Variants in SLC44A5 observed in about 807,000 individuals in gnomAD.
The protein encoded by SLC44A5 is solute carrier family 44 member 5, also known as choline transporter-like protein 5.
SLC44A5 carries 57 observed loss-of-function variants against 101.8 expected under a neutral mutation model. That is an observed-to-expected ratio of 0.56 (90% CI 0.45 to 0.70). The LOEUF is 0.70. SLC44A5 is among the 30% of genes least tolerant of loss of function. The pLI, the probability that SLC44A5 is intolerant of heterozygous loss-of-function variation, is 0.00. For missense variants in SLC44A5, 737 were observed against 853.1 expected (o/e 0.86, Z 1.70); for synonymous variants, 281 against 290.9 (o/e 0.97, Z 0.35).
At position 75,500,014 on chromosome 1, in the gene SLC44A5, G is replaced by A. The variant is rs539914100; in HGVS notation, c.13+41421C>T. Among the ~76,000 whole-genome samples, 5 of 152,268 alleles carry A rather than the reference G, an allele frequency of 3.3e-5. No homozygotes were observed. The East Asian group carries it at 9.6e-4, about 29-fold the overall frequency. On this transcript the variant is annotated intron_variant, in intron 2 of 23. Coordinates refer to ENST00000370859, the MANE Select transcript of SLC44A5 (RefSeq NM_001130058.2). The stretch of plus-strand genomic sequence containing the variant: ...ATCTGGCTGTCAATGCCCACGTGAT[G>A]TTGAAAGCCACCTGCTAAAGATGGC...
At chr1:75,549,393 T>C (rs1180545801) in intron 1 of SLC44A5, among the ~76,000 whole-genome samples, 1 of 152,118 alleles carries the variant, frequency 6.6e-6, no homozygotes, top group Non-Finnish European at 1.5e-5. Context: ...CATCTTCAAA[T>C]ATTCATGAAA....
At chr1:75,430,258 C>A (rs1000045904) in intron 2 of SLC44A5, among the ~76,000 whole-genome samples, 1 of 152,140 alleles carries the variant, frequency 6.6e-6, no homozygotes, top group African/African-American at 2.4e-5. Flanking sequence ...GAGGACACAG[C>A]ATTCCTCCCC....
At chr1:75,387,320 G>A (rs1393325863) in intron 3 of SLC44A5, among the ~76,000 whole-genome samples, 2 of 146,712 alleles carry the variant, frequency 1.4e-5, no homozygotes, top group Admixed American at 1.4e-4. Flanking sequence ...ATCTGACAAA[G>A]GGCTAATATC....
At chr1:75,394,083 C>G (rs1570123730) in intron 3 of SLC44A5, among the ~76,000 whole-genome samples, 1 of 152,108 alleles carries the variant, frequency 6.6e-6, no homozygotes, top group Non-Finnish European at 1.5e-5. Context: ...CCTGGGGGCT[C>G]TCCAACACCC....
chr1:75,644,058 C>G, the SLC44A5 span, among the ~76,000 whole-genome samples: 2 of 152,158 alleles, frequency 1.3e-5, no homozygotes, highest in Non-Finnish European at 1.5e-5. Context: ...TGTGCCCATT[C>G]ACTAGTTAGT....
At chr1:75,674,037 C>A in the SLC44A5 span, among the ~76,000 whole-genome samples, 1 of 152,014 alleles carries the variant, frequency 6.6e-6, no homozygotes, top group Non-Finnish European at 1.5e-5. Flanking sequence ...TCAAGACCAG[C>A]AAAACATGAC....
the SLC44A5 span, among the ~76,000 whole-genome samples, chr1:75,675,023 T>C: frequency 3.3e-5 from 5 of 152,218 alleles, no homozygotes; most frequent in African/African-American, 1.2e-4. Context: ...AGCCTTGTGG[T>C]AGTTTGAAGT....
chr1:75,616,013 C>A, upstream of SLC44A5: 1 of 469,270 alleles, frequency 2.1e-6, no homozygotes. Context: ...CATCTGCGAG[C>A]AGCAGCGGCG....
At chr1:75,373,058 C>G (rs1660334255) in intron 3 of SLC44A5, among the ~76,000 whole-genome samples, 1 of 152,062 alleles carries the variant, frequency 6.6e-6, no homozygotes, top group Non-Finnish European at 1.5e-5. Context: ...TATTTAGAAG[C>G]AGAGTCAAAA....
chr1:75,665,181 G>T, the SLC44A5 span, among the ~76,000 whole-genome samples: 1 of 151,960 alleles, frequency 6.6e-6, no homozygotes, highest in African/African-American at 2.4e-5. Flanking sequence ...AAAGAACAAA[G>T]TCAGAAGCAC....
the SLC44A5 span, chr1:75,677,694 A>T: frequency 2.4e-6 from 1 of 423,280 alleles, no homozygotes; most frequent in Admixed American, 2.9e-5. Context: ...AACTAAATGC[A>T]TAAAAAAAAC....
intron 2 of SLC44A5, among the ~76,000 whole-genome samples, chr1:75,412,788 T>C (rs1663365570): frequency 1.3e-5 from 2 of 152,154 alleles, no homozygotes; most frequent in East Asian, 1.9e-4. Flanking sequence ...AGAAGGTGAA[T>C]CATCCCTTTG....
chr1:75,643,724 C>T, the SLC44A5 span, among the ~76,000 whole-genome samples: 4 of 152,352 alleles, frequency 2.6e-5, no homozygotes, highest in South Asian at 2.1e-4. Context: ...CCCTGGCCTG[C>T]GGCCAAGTAA....
chr1:75,388,652 G>A (rs1007551025), intron 3 of SLC44A5, among the ~76,000 whole-genome samples: 13 of 152,052 alleles, frequency 8.5e-5, no homozygotes, highest in South Asian at 2.1e-4. Context: ...GGTGGCGGGC[G>A]CCTGTGGTCC....
chr1:75,372,777 T>C (rs1368498037), intron 3 of SLC44A5, among the ~76,000 whole-genome samples: 1 of 152,204 alleles, frequency 6.6e-6, no homozygotes, highest in Non-Finnish European at 1.5e-5. Context: ...TGGAAAATTG[T>C]ATTAGGGAGA....
intron 1 of SLC44A5, among the ~76,000 whole-genome samples, chr1:75,555,019 G>A (rs1197830779): frequency 6.6e-6 from 1 of 151,904 alleles, no homozygotes; most frequent in Non-Finnish European, 1.5e-5. Flanking sequence ...TAGAAAGACA[G>A]AATGAAAACA....
At chr1:75,414,724 C>T (rs1295396331) in intron 2 of SLC44A5, among the ~76,000 whole-genome samples, 5 of 152,010 alleles carry the variant, frequency 3.3e-5, no homozygotes, top group African/African-American at 9.7e-5. Context: ...GTGCTCAAGG[C>T]AAAGGGAACA....
intron 2 of SLC44A5, among the ~76,000 whole-genome samples, chr1:75,408,284 C>G (rs1486503586): frequency 2.0e-5 from 3 of 152,102 alleles, no homozygotes; most frequent in Non-Finnish European, 4.4e-5. Context: ...TTAGTTCAAC[C>G]ATTGTGGAAG....
intron 1 of SLC44A5, among the ~76,000 whole-genome samples, chr1:75,579,891 A>G (rs1328011344): frequency 1.3e-5 from 2 of 151,934 alleles, no homozygotes. Context: ...TTTTTAAAAA[A>G]GTAATTCAGG....
Sources: gnomAD v4.1 joint callset for allele counts (sites outside exome capture counted in the v4.1 genomes callset) on GRCh38, gnomAD v4.1.1 for gene constraint, MANE v1.5 for transcripts, NCBI Gene and HGNC (gene_info 2026-07-23, HGNC 2026-07-21) for gene names.